The following TAS2R1 variants were observed in gnomAD, a reference collection of about 807,000 sequenced individuals.
The protein encoded by TAS2R1 is taste receptor type 2 member 1.
For missense variants in TAS2R1, 370 were observed against 353.4 expected (o/e 1.05, Z -0.38); for synonymous variants, 141 against 134.2 (o/e 1.05, Z -0.35).
At chr5:9,829,235 G>T in the TAS2R1 span, among the ~76,000 whole-genome samples, 3 of 152,244 alleles carry the variant, frequency 2.0e-5, no homozygotes, top group Admixed American at 2.0e-4. Context: ...TAAAAATTTT[G>T]AATAATAAAG....
At chr5:9,688,458 T>C (rs1381357556) in intron 1 of TAS2R1, among the ~76,000 whole-genome samples, 1 of 152,182 alleles carries the variant, frequency 6.6e-6, no homozygotes, top group Non-Finnish European at 1.5e-5. Context: ...TGCAGTTTTA[T>C]TTCATGACCT....
At chr5:9,673,360 A>C (rs1740807166) in intron 1 of TAS2R1, among the ~76,000 whole-genome samples, 1 of 152,184 alleles carries the variant, frequency 6.6e-6, no homozygotes, top group African/African-American at 2.4e-5. Context: ...TAATTTAAAT[A>C]TATGTGCAGA....
chr5:9,674,012 G>T (rs931974752), intron 1 of TAS2R1, among the ~76,000 whole-genome samples: 1 of 152,140 alleles, frequency 6.6e-6, no homozygotes, highest in African/African-American at 2.4e-5. Flanking sequence ...TTTTTCATGC[G>T]CTTCTGAGAA....
chr5:9,817,402 A>G, the TAS2R1 span, among the ~76,000 whole-genome samples: 1 of 152,234 alleles, frequency 6.6e-6, no homozygotes, highest in African/African-American at 2.4e-5. Context: ...GGCATCAACA[A>G]TTATGCACTT....
chr5:9,732,284 A>T, the TAS2R1 span, among the ~76,000 whole-genome samples: 1 of 152,230 alleles, frequency 6.6e-6, no homozygotes, highest in African/African-American at 2.4e-5. Flanking sequence ...GGAGCAGAGC[A>T]TTGAAGGAAA....
At chr5:9,645,399 T>C (rs1324288556) in intron 2 of TAS2R1, among the ~76,000 whole-genome samples, 2 of 152,158 alleles carry the variant, frequency 1.3e-5, no homozygotes, top group Non-Finnish European at 2.9e-5. Context: ...CATCACCGCG[T>C]CCTATGTTAA....
the TAS2R1 span, among the ~76,000 whole-genome samples, chr5:9,724,367 T>C: frequency 3.3e-5 from 5 of 151,002 alleles, no homozygotes; most frequent in Non-Finnish European, 2.9e-5. Flanking sequence ...TTTTTTACTA[T>C]GTTGAATTAT....
At chr5:9,850,410 G>A in the TAS2R1 span, among the ~76,000 whole-genome samples, 36 of 152,226 alleles carry the variant, frequency 2.4e-4, no homozygotes, top group African/African-American at 8.7e-4. Flanking sequence ...GGTAAAACTG[G>A]CTTGCTTTTG....
At chr5:9,834,436 G>A in the TAS2R1 span, among the ~76,000 whole-genome samples, 1 of 152,204 alleles carries the variant, frequency 6.6e-6, no homozygotes, top group African/African-American at 2.4e-5. Flanking sequence ...TTGTGTGGAT[G>A]AGTGCAGTTG....
the TAS2R1 span, among the ~76,000 whole-genome samples, chr5:9,824,539 G>A: frequency 1.3e-5 from 2 of 152,134 alleles, no homozygotes; most frequent in Non-Finnish European, 2.9e-5. Flanking sequence ...ACATCACAGG[G>A]ATGGGTAAGG....
In TAS2R1 at chr5:9,675,443, A is replaced by C. The variant is rs367562741; in HGVS notation, c.-241-15862T>G. Among the ~76,000 whole-genome samples the C allele has an allele frequency of 9.4e-5, 13 of 138,610 alleles. No homozygotes were observed. In the East Asian group the frequency reaches 2.7e-3, roughly 29 times the overall value. 90.9% of individuals were successfully genotyped at this position (138,610 alleles called of 152,430 possible). ...TCTTTTTTTTTTTTTTTTGAGATGG[A>C]GTCTTGCTTTGTTGCCAGACTGGAG... On this transcript the variant is annotated intron_variant, in intron 1 of 2. Transcript: ENST00000506620.
At position 9,681,239 on chromosome 5, in the gene TAS2R1, T is replaced by C. The variant is rs577807932; in HGVS notation, c.-241-21658A>G. On this transcript the variant is annotated intron_variant, in intron 1 of 2. Coordinates refer to the TAS2R1 transcript ENST00000506620. ...GGATTGGTTCATTAATTGTAACAAA[T>C]GTACTCTATTAATGTAAGATGATAA... 1.1e-4 allele frequency among the ~76,000 whole-genome samples: 17 copies of C among 152,106 alleles called. No homozygotes were observed. In the South Asian group the frequency reaches 3.5e-3, roughly 32 times the overall value.
chr5:9,894,670 A>T, the TAS2R1 span, among the ~76,000 whole-genome samples: 1 of 152,216 alleles, frequency 6.6e-6, no homozygotes. Flanking sequence ...CTAATACAGT[A>T]AGTTAGTTCT....
At chr5:9,725,490 C>A in the TAS2R1 span, among the ~76,000 whole-genome samples, 6 of 152,184 alleles carry the variant, frequency 3.9e-5, no homozygotes, top group Non-Finnish European at 8.8e-5. Context: ...TGTACTGGGT[C>A]CCCCAGCAGT....
chr5:9,798,599 G>C, the TAS2R1 span, among the ~76,000 whole-genome samples: 1 of 152,194 alleles, frequency 6.6e-6, no homozygotes, highest in African/African-American at 2.4e-5. Context: ...AAAATGCTGA[G>C]GGTCCCAGAA....
chr5:9,730,560 G>A, the TAS2R1 span, among the ~76,000 whole-genome samples: 1 of 152,176 alleles, frequency 6.6e-6, no homozygotes, highest in Non-Finnish European at 1.5e-5. Context: ...CCAGGCACAG[G>A]GAGGCTGCTC....
the TAS2R1 span, among the ~76,000 whole-genome samples, chr5:9,783,833 G>C: frequency 6.6e-6 from 1 of 152,154 alleles, no homozygotes; most frequent in Admixed American, 6.5e-5. Context: ...ACAGTTAATG[G>C]GTTGATGAGT....
chr5:9,725,329 C>T, the TAS2R1 span, among the ~76,000 whole-genome samples: 2 of 152,324 alleles, frequency 1.3e-5, no homozygotes, highest in African/African-American at 2.4e-5. Context: ...GAGCGGGAAC[C>T]GGGGCTGCGC....
At chr5:9,844,862 G>A in the TAS2R1 span, among the ~76,000 whole-genome samples, 1 of 152,268 alleles carries the variant, frequency 6.6e-6, no homozygotes, top group South Asian at 2.1e-4. Context: ...GCCCTTGCCA[G>A]GTGAATTTTC....
Sources: allele counts gnomAD v4.1 joint callset (sites outside exome capture counted in the v4.1 genomes callset), GRCh38; gene constraint gnomAD v4.1.1; transcripts MANE v1.5; gene names NCBI Gene and HGNC (gene_info 2026-07-23, HGNC 2026-07-21).